Variants in COL13A1 observed in about 807,000 individuals in gnomAD.
The protein encoded by COL13A1 is collagen type XIII alpha 1 chain.
In COL13A1, 89 loss-of-function variants were observed where a neutral mutation model predicts 130.9. That is an observed-to-expected ratio of 0.68 (90% confidence interval 0.57 to 0.81). The LOEUF (loss-of-function observed/expected upper bound fraction) is 0.81, where lower values mean the gene tolerates loss of function less well. Among genes scored for constraint, COL13A1 ranks in the 30% least tolerant of loss-of-function variants. COL13A1 has a pLI of 0.00. For missense variants in COL13A1, 879 were observed against 934.6 expected (o/e 0.94, Z 0.78); for synonymous variants, 402 against 341.6 (o/e 1.18, Z -1.95).
chr10:69,872,335 A>G, intron 4 of COL13A1, 125 bp downstream of exon 4: 3 of 1,081,138 alleles, frequency 2.8e-6, no homozygotes, highest in Non-Finnish European at 4.1e-6. Context: ...CACTCTCCAG[A>G]GTCCCTGATC....
intron 2 of COL13A1, among the ~76,000 whole-genome samples, chr10:69,846,242 A>C (rs1227751): frequency 6.6e-6 from 1 of 152,072 alleles, no homozygotes; most frequent in Non-Finnish European, 1.5e-5. Flanking sequence ...GTCCCAAGAC[A>C]GGGTCCTGGA....
Position 69,872,043 on chromosome 10 carries a change from G to T in COL13A1, c.373-141G>T, listed in dbSNP as rs973384841. ...AGCTTTATAAGCCTTAGCGATCAAG[G>T]CTCCCCCTTCGTTTTGTTCATAAAA... On this transcript the variant is annotated intron_variant, in intron 3 of 40. Coordinates refer to ENST00000645393, the MANE Select transcript of COL13A1 (RefSeq NM_001368882.1). The T allele has an allele frequency of 4.6e-5, 43 of 928,724 alleles. No homozygotes were observed. In the African/African-American group the frequency reaches 5.0e-4, roughly 11 times the overall value. The allele number at this position is 928,724 out of a possible 1,614,324, so 57.5% of individuals were successfully genotyped here. A position where few individuals can be genotyped will look rare whatever the true frequency, so the allele number is the denominator to read the frequency against.
intron 8 of COL13A1, among the ~76,000 whole-genome samples, 191 bp from the exon 9 acceptor site, chr10:69,888,113 A>T (rs2060780078): frequency 6.6e-6 from 1 of 152,150 alleles, no homozygotes; most frequent in African/African-American, 2.4e-5. Flanking sequence ...TATTATTCTC[A>T]ACCCCATTTC....
chr10:69,917,333 G>A lies in COL13A1; in HGVS notation c.966G>A (p.Lys322=). The A allele has an allele frequency of 6.2e-7, 1 of 1,613,260 alleles. No homozygotes were observed. The highest frequency in any genetic ancestry group is 8.5e-7 in the Non-Finnish European group (1 of 1,179,590). ...GGATGCCAGGCAAGCATGGAGCCAA[G>A]GTACCTCCCCCTTCCCCACATCCCA... The part of the protein sequence containing the change: ...MPGMPGKHGA[K]GAPGIAVAGM... Residue 322 remains lysine, a splice_region_variant and synonymous_variant, in exon 18 of 41, where the codon AAG becomes AAA. Coordinates refer to ENST00000645393, the MANE Select transcript of COL13A1 (RefSeq NM_001368882.1).
chr10:69,848,138 G>A (rs568018522), intron 2 of COL13A1, among the ~76,000 whole-genome samples: 46 of 152,316 alleles, frequency 3.0e-4, no homozygotes, highest in Non-Finnish European at 5.9e-4. Flanking sequence ...GAGACTGAGG[G>A]GCTCTGGGGG....
chr10:69,872,077 G>T (rs552509525), intron 3 of COL13A1, 107 bp from the exon 4 acceptor site: 4 of 1,306,852 alleles, frequency 3.1e-6, no homozygotes, highest in South Asian at 1.2e-5. Context: ...AATAACAAAG[G>T]CTTACCCAAG....
intron 21 of COL13A1, among the ~76,000 whole-genome samples, chr10:69,921,211 G>C (rs2064620244): frequency 6.6e-6 from 1 of 152,088 alleles, no homozygotes; most frequent in Non-Finnish European, 1.5e-5. Flanking sequence ...GCAATCTTTG[G>C]CATTCCTTGG....
At chr10:69,926,439 T>C (rs1395252627) in intron 26 of COL13A1, among the ~76,000 whole-genome samples, 1 of 152,198 alleles carries the variant, frequency 6.6e-6, no homozygotes, top group East Asian at 1.9e-4. Context: ...CTCTACCTGC[T>C]AGATGCCAGT....
chr10:69,820,963 C>T (rs1845930753), intron 1 of COL13A1, among the ~76,000 whole-genome samples: 1 of 152,182 alleles, frequency 6.6e-6, no homozygotes, highest in African/African-American at 2.4e-5. Flanking sequence ...AGAGGCGATA[C>T]CACCCTTATG....
intron 35 of COL13A1, among the ~76,000 whole-genome samples, chr10:69,943,266 A>T (rs2136123995): frequency 6.6e-6 from 1 of 152,284 alleles, no homozygotes; most frequent in Non-Finnish European, 1.5e-5. Context: ...GAAGTAAGTC[A>T]TGCCCCGCCA....
Position 69,880,554 on chromosome 10 carries a change from G to A in COL13A1, c.513+1G>A. 6.2e-7 allele frequency: 1 copy of A among 1,613,306 alleles called. No individual in the cohort carries two copies. On this transcript the variant is annotated splice_donor_variant, in intron 7 of 40. Coordinates refer to ENST00000645393, the MANE Select transcript of COL13A1 (RefSeq NM_001368882.1). LOFTEE classifies it high-confidence loss of function. Reference sequence around the variant, plus strand: ...CATCATTGGTCCCCGCGGCCCCCCTGTAAGTTGTTTTTGCTCTTCCTCGGG... The same window carrying A: ...CATCATTGGTCCCCGCGGCCCCCCTATAAGTTGTTTTTGCTCTTCCTCGGG...
intron 1 of COL13A1, among the ~76,000 whole-genome samples, chr10:69,818,038 A>G (rs1236424050): frequency 2.6e-5 from 4 of 152,058 alleles, no homozygotes; most frequent in African/African-American, 9.7e-5. Flanking sequence ...CCCTCCAATC[A>G]AGGCTCCCGA....
intron 2 of COL13A1, among the ~76,000 whole-genome samples, chr10:69,838,774 G>A (rs1006086674): frequency 6.6e-6 from 1 of 152,212 alleles, no homozygotes; most frequent in Non-Finnish European, 1.5e-5. Flanking sequence ...TTTGTACAAA[G>A]GGTTCAGATC....
chr10:69,836,249 TGG>T (rs1850024593), intron 2 of COL13A1, among the ~76,000 whole-genome samples: 1 of 152,096 alleles, frequency 6.6e-6, no homozygotes, highest in African/African-American at 2.4e-5. Context: ...AGGGCTCCGG[TGG>T]GGCTAGGCGG....
rs552115987 is a variant in COL13A1 at position 69,850,527 on chromosome 10, T to C, written c.365-17271T>C. On this transcript the variant is annotated intron_variant, in intron 2 of 40. Coordinates refer to ENST00000645393, the MANE Select transcript of COL13A1 (RefSeq NM_001368882.1). ...ATGCAGGGGCCTTCCAGCGGCCTCC[T>C]GCGTCTGGAGGAAGCCACCTACTGA... 4.0e-5 allele frequency among the ~76,000 whole-genome samples: 6 copies of C among 151,168 alleles called. No homozygotes were observed. In the East Asian group the frequency reaches 1.2e-3, roughly 30 times the overall value.
intron 13 of COL13A1, among the ~76,000 whole-genome samples, chr10:69,896,525 C>A (rs1048008782): frequency 6.6e-6 from 1 of 152,216 alleles, no homozygotes; most frequent in Non-Finnish European, 1.5e-5. Flanking sequence ...TGGCTGCCCA[C>A]CCCTGCCAGG....
intron 25 of COL13A1, among the ~76,000 whole-genome samples, chr10:69,925,209 G>C (rs1333339558): frequency 6.6e-6 from 1 of 152,212 alleles, no homozygotes; most frequent in Non-Finnish European, 1.5e-5. Context: ...GGAGGGGAAA[G>C]AGGAAGGGTA....
intron 30 of COL13A1, 73 bp from the exon 31 acceptor site, chr10:69,932,487 C>A: frequency 9.3e-7 from 1 of 1,079,396 alleles, no homozygotes; most frequent in Non-Finnish European, 1.4e-6. Context: ...TAGTTTGTCA[C>A]AGATGTGAGG....
At chr10:69,903,359 G>A (rs971128025) in intron 15 of COL13A1, among the ~76,000 whole-genome samples, 7 of 152,364 alleles carry the variant, frequency 4.6e-5, no homozygotes, top group Non-Finnish European at 1.0e-4. Context: ...GCCTGAGGAT[G>A]CATCAAGCCT....
Sources: allele counts gnomAD v4.1 joint callset (sites outside exome capture counted in the v4.1 genomes callset), GRCh38; gene constraint gnomAD v4.1.1; transcripts MANE v1.5; gene names NCBI Gene and HGNC (gene_info 2026-07-23, HGNC 2026-07-21).